Variants in NEDD4 observed in about 807,000 individuals in gnomAD.
NEDD4 encodes the protein E3 ubiquitin-protein ligase NEDD4.
In NEDD4, 99 loss-of-function variants were observed where a neutral mutation model predicts 144.9. The observed-to-expected ratio is 0.68, with a 90% confidence interval of 0.58 to 0.81. The LOEUF (loss-of-function observed/expected upper bound fraction) is 0.81, where lower values mean the gene tolerates loss of function less well. NEDD4 is among the 30% of genes least tolerant of loss of function. NEDD4 has a pLI of 0.00. For missense variants in NEDD4, 985 were observed against 1,065.9 expected (o/e 0.92, Z 1.06); for synonymous variants, 318 against 350.6 (o/e 0.91, Z 1.04).
At chr15:55,924,828 G>C (rs1316463158) in intron 4 of NEDD4, 129 bp from the exon 5 acceptor site, 2 of 842,788 alleles carry the variant, frequency 2.4e-6, no homozygotes, top group African/African-American at 3.4e-5. Flanking sequence ...AGCACTTTGG[G>C]AGGCCGAGGT....
intron 2 of NEDD4, among the ~76,000 whole-genome samples, chr15:55,962,741 G>A (rs1595877881): frequency 6.6e-6 from 1 of 152,042 alleles, no homozygotes; most frequent in East Asian, 1.9e-4. Context: ...ACCGCACCCA[G>A]CCTCTTTTAC....
Position 55,840,517 on chromosome 15 carries a change from C to A in NEDD4, c.1961G>T (p.Gly654Val). 6.2e-7 allele frequency: 1 copy of A among 1,613,718 alleles called. No homozygotes were observed. ...MAVYHGKLLD[G>V]FFIRPFYKMM... ...CTTGTAAAATGGGCGGATGAAAAAA[C>A]CTTGCAAAAAACCAAATACATTTAG... is the stretch of plus-strand genomic sequence containing the variant. The change falls in exon 21 of 29, where the codon GGT becomes GTT. Residue 654 changes from glycine to valine, a missense_variant and splice_region_variant. Transcript: ENST00000435532.
Position 55,924,652 on chromosome 15 carries a change from G to C in NEDD4, c.285C>G (p.Asn95Lys). 6.2e-7 allele frequency: 1 copy of C among 1,608,932 alleles called. No individual in the cohort carries two copies. The highest frequency in any genetic ancestry group is 2.2e-5 in the East Asian group (1 of 44,798). ...TAAGCACAATATAACTTACCAATCG[G>C]TTTTCGTCAAACACTTCAAAAAGAA... Reference protein sequence around the residue: ...HRLLFEVFDENRLTRDDFLGQ... With the variant: ...HRLLFEVFDEKRLTRDDFLGQ... The change falls in exon 5 of 29, where the codon AAC (asparagine) becomes AAG (lysine). Residue 95 changes from asparagine (N) to lysine (K), a missense_variant. Physicochemically the swap from Asn to Lys is moderately conservative, Grantham distance 94 (BLOSUM62 0). Transcript: ENST00000435532.
At chr15:55,986,537 G>A (rs1170858518) in intron 1 of NEDD4, among the ~76,000 whole-genome samples, 1 of 139,952 alleles carries the variant, frequency 7.1e-6, no homozygotes, top group African/African-American at 2.6e-5. Flanking sequence ...GACCCAAACA[G>A]ACCCAAAATG....
Position 55,950,736 on chromosome 15 carries a change from C to G in NEDD4, c.237+640G>C, listed in dbSNP as rs148856602. ...TATTCAGGTGAACAGAGAAACGACTCAACAGCTAAAGGGGAATATGGGGTC... is the reference window on the plus strand; with the variant it reads ...TATTCAGGTGAACAGAGAAACGACTGAACAGCTAAAGGGGAATATGGGGTC... On this transcript the variant is annotated intron_variant, in intron 4 of 28. Transcript: ENST00000435532. Among the ~76,000 whole-genome samples, 13 of 152,188 alleles carry G rather than the reference C, an allele frequency of 8.5e-5. No individual in the cohort carries two copies. In the East Asian group the frequency reaches 2.5e-3, roughly 29 times the overall value.
intron 5 of NEDD4, among the ~76,000 whole-genome samples, chr15:55,883,630 T>A (rs1443358021): frequency 6.6e-6 from 1 of 151,548 alleles, no homozygotes. Context: ...CCAGTGGTGG[T>A]GGCCACAGGG....
Position 55,830,894 on chromosome 15 carries a change from T to G in NEDD4, c.2528-308A>C, listed in dbSNP as rs116178758. Among the ~76,000 whole-genome samples, 1,156 of 152,182 alleles carry G rather than the reference T, an allele frequency of 7.6e-3. 22 individuals are homozygous for G. The highest frequency in any genetic ancestry group is 0.027 in the African/African-American group (1,106 of 41,534). On this transcript the variant is annotated intron_variant, in intron 27 of 28. Transcript: ENST00000435532. ...GTTAAAAAAATTCATTTTGTAGAGA[T>G]GGGGGTCTCACTATGTTGCCCAGGC...
intron 4 of NEDD4, among the ~76,000 whole-genome samples, chr15:55,936,229 A>C (rs182624411): frequency 1.6e-4 from 25 of 152,298 alleles, no homozygotes; most frequent in Middle Eastern, 3.4e-3. Context: ...AAAGCTCAGC[A>C]CACTGGTAAT....
chr15:55,949,581 G>C (rs1168106735), intron 4 of NEDD4, among the ~76,000 whole-genome samples: 2 of 152,176 alleles, frequency 1.3e-5, no homozygotes, highest in Non-Finnish European at 2.9e-5. Context: ...ACTGGATTAA[G>C]AAAATGTGGC....
At chr15:55,832,852 T>A (rs2033019261) in intron 27 of NEDD4, among the ~76,000 whole-genome samples, 156 bp downstream of exon 27, 1 of 152,208 alleles carries the variant, frequency 6.6e-6, no homozygotes, top group Non-Finnish European at 1.5e-5. Context: ...TATTTTAGCC[T>A]ACTCCAGTGT....
intron 5 of NEDD4, among the ~76,000 whole-genome samples, chr15:55,893,960 T>C (rs1449333509): frequency 6.6e-6 from 1 of 152,014 alleles, no homozygotes; most frequent in East Asian, 1.9e-4. Context: ...ATAATGGGCT[T>C]ATTTAAAACA....
chr15:55,905,047 G>A (rs947255798), intron 5 of NEDD4, among the ~76,000 whole-genome samples: 37 of 150,362 alleles, frequency 2.5e-4, no homozygotes, highest in African/African-American at 7.8e-4. Context: ...AGCCGAGATC[G>A]TGCCATTGTA....
At position 55,842,058 on chromosome 15, in the gene NEDD4, G is replaced by A. The variant is rs773579050; in HGVS notation, c.1714C>T (p.Arg572Ter). 2.5e-6 allele frequency: 4 copies of A among 1,613,992 alleles called. No individual in the cohort carries two copies. The highest frequency in any genetic ancestry group is 2.2e-5 in the East Asian group (1 of 44,876). ...TCACCATCAAACTCAATCCACAGTC[G>A]AGCCTTCAGGAAGTCTGCTCTCTTG... is the stretch of plus-strand genomic sequence containing the variant. ...GVKRADFLKARLWIEFDGEKG... is the reference protein window; with the variant it reads ...GVKRADFLKA The change falls in exon 19 of 29, where the codon CGA becomes TGA. Residue 572 changes from arginine (R) to a stop codon, truncating the protein, a stop_gained. Transcript: ENST00000435532. LOFTEE classifies it high-confidence loss of function.
At chr15:55,864,056 C>G (rs1340328672) in intron 8 of NEDD4, among the ~76,000 whole-genome samples, 1 of 151,918 alleles carries the variant, frequency 6.6e-6, no homozygotes, top group Non-Finnish European at 1.5e-5. Flanking sequence ...TAACAAGGGG[C>G]AAAATTAACA....
intron 7 of NEDD4, among the ~76,000 whole-genome samples, chr15:55,869,991 G>C (rs1020281168): frequency 7.2e-5 from 11 of 152,144 alleles, no homozygotes; most frequent in African/African-American, 2.7e-4. Flanking sequence ...TAGAAGACTG[G>C]GGAGGATTCT....
chr15:55,894,615 C>T (rs1290481358), intron 5 of NEDD4, among the ~76,000 whole-genome samples: 2 of 152,156 alleles, frequency 1.3e-5, no homozygotes, highest in Admixed American at 1.3e-4. Context: ...AAATCAGTTT[C>T]ACTTTGAGTT....
chr15:55,889,694 G>A (rs2035504339), intron 5 of NEDD4, among the ~76,000 whole-genome samples: 2 of 151,218 alleles, frequency 1.3e-5, no homozygotes, highest in Non-Finnish European at 1.5e-5. Context: ...TTAGTGTTTT[G>A]TTTTGTTTTG....
chr15:55,914,570 A>T lies in NEDD4; in HGVS notation c.291+10076T>A, dbSNP rs562898626. Among the ~76,000 whole-genome samples, 29 of 152,052 alleles carry T rather than the reference A, an allele frequency of 1.9e-4. No homozygotes were observed. In the East Asian group the frequency reaches 5.0e-3, roughly 26 times the overall value. On this transcript the variant is annotated intron_variant, in intron 5 of 28. Transcript: ENST00000435532. ...AAAATATTAAAACTTAGAATTCAAT[A>T]TTGTTGAAAGAGTGAGTTACATTTT... is the stretch of plus-strand genomic sequence containing the variant.
intron 5 of NEDD4, among the ~76,000 whole-genome samples, chr15:55,880,455 A>G (rs184943323): frequency 6.6e-6 from 1 of 152,336 alleles, no homozygotes; most frequent in East Asian, 1.9e-4. Flanking sequence ...AACCTGAAAT[A>G]TAAGAGAGTA....
Sources: allele counts gnomAD v4.1 joint callset (sites outside exome capture counted in the v4.1 genomes callset), GRCh38; gene constraint gnomAD v4.1.1; transcripts MANE v1.5; gene names NCBI Gene and HGNC (gene_info 2026-07-23, HGNC 2026-07-21).